The following SYN3 variants were observed in gnomAD, a reference collection of about 807,000 sequenced individuals.
SYN3 encodes the protein synapsin III, also known as synapsin-3.
SYN3 carries 35 observed loss-of-function variants against 65.8 expected under a neutral mutation model. The observed-to-expected ratio is 0.53, with a 90% CI of 0.41 to 0.70. SYN3 has a LOEUF of 0.70. Ranked by LOEUF, SYN3 falls within the 30% of genes least tolerant of loss-of-function variation. The pLI, the probability that SYN3 is intolerant of heterozygous loss-of-function variation, is 0.00. For synonymous variants in SYN3, 270 were observed against 292.9 expected (o/e 0.92, Z 0.80); for missense variants, 680 against 749.0 (o/e 0.91, Z 1.08).
chr22:32,991,262 C>T (rs560065939), intron 2 of SYN3, among the ~76,000 whole-genome samples: 6 of 151,252 alleles, frequency 4.0e-5, no homozygotes, highest in Admixed American at 2.0e-4. Flanking sequence ...AGCTTGAACT[C>T]GGGAGGCGGA....
At chr22:32,750,979 T>C (rs1264124168) in intron 6 of SYN3, among the ~76,000 whole-genome samples, 1 of 152,034 alleles carries the variant, frequency 6.6e-6, no homozygotes, top group Non-Finnish European at 1.5e-5. Flanking sequence ...CAGTCTCTGA[T>C]ATGTGAATCT....
chr22:32,946,910 G>C (rs1328052426), intron 3 of SYN3, among the ~76,000 whole-genome samples: 3 of 152,174 alleles, frequency 2.0e-5, no homozygotes, highest in African/African-American at 7.2e-5. Flanking sequence ...CACAGACAGA[G>C]CTCTTGGTAT....
rs994583581 is a variant in SYN3 at position 32,938,873 on chromosome 22, A to G, written c.370-7392T>C. On this transcript the variant is annotated intron_variant, in intron 3 of 13. Coordinates refer to ENST00000358763, the MANE Select transcript of SYN3 (RefSeq NM_003490.4). ...AACATGGGATGCGGAGGTTGCAATG[A>G]GCAGAGACTGCACCACTGCACTTCG... is the stretch of plus-strand genomic sequence containing the variant. 5.5e-4 allele frequency among the ~76,000 whole-genome samples: 83 copies of G among 150,600 alleles called. 1 individual carries two copies. The highest frequency in any genetic ancestry group is 2.0e-3 in the African/African-American group (80 of 40,962).
At chr22:32,921,775 A>C (rs148761868) in intron 4 of SYN3, among the ~76,000 whole-genome samples, 8 of 152,260 alleles carry the variant, frequency 5.3e-5, no homozygotes, top group African/African-American at 1.9e-4. Context: ...ATTTCACATT[A>C]TACTAACTCA....
rs559321036 is a variant in SYN3 at position 32,913,601 on chromosome 22, T to G, written c.461+17789A>C. Among the ~76,000 whole-genome samples the G allele has an allele frequency of 2.0e-5, 3 of 152,300 alleles. No homozygotes were observed. In the South Asian group the frequency reaches 6.2e-4, roughly 32 times the overall value. Reference sequence around the variant, plus strand: ...TTGCTGGGCTCTTAGGGGCAAGTTATAGAAGCTCTGAGAGCTTCAGTTTCT... The same window carrying G: ...TTGCTGGGCTCTTAGGGGCAAGTTAGAGAAGCTCTGAGAGCTTCAGTTTCT... On this transcript the variant is annotated intron_variant, in intron 4 of 13. Coordinates refer to ENST00000358763, the MANE Select transcript of SYN3 (RefSeq NM_003490.4).
At chr22:32,575,438 T>G (rs1364203712) in intron 7 of SYN3, among the ~76,000 whole-genome samples, 3 of 150,614 alleles carry the variant, frequency 2.0e-5, no homozygotes, top group African/African-American at 7.3e-5. Flanking sequence ...AGCATGGGGG[T>G]GGGGGTCTTC....
At chr22:32,992,265 A>C (rs140421280) in intron 2 of SYN3, among the ~76,000 whole-genome samples, 111 of 152,356 alleles carry the variant, frequency 7.3e-4, no homozygotes, top group African/African-American at 2.4e-3. Flanking sequence ...TCATGGTCTA[A>C]GCCCCATTAT....
At chr22:32,619,710 C>T (rs987544913) in intron 6 of SYN3, among the ~76,000 whole-genome samples, 17 of 152,324 alleles carry the variant, frequency 1.1e-4, no homozygotes, top group African/African-American at 4.1e-4. Flanking sequence ...GAGAAGGCAT[C>T]TGTTTTCCCA....
intron 6 of SYN3, among the ~76,000 whole-genome samples, chr22:32,792,521 T>G (rs974975841): frequency 1.3e-5 from 2 of 152,158 alleles, no homozygotes; most frequent in African/African-American, 4.8e-5. Flanking sequence ...TACTGATGAG[T>G]ATGCCACCAG....
At chr22:32,520,417 G>C (rs1261668208) in intron 12 of SYN3, among the ~76,000 whole-genome samples, 2 of 151,944 alleles carry the variant, frequency 1.3e-5, no homozygotes, top group Non-Finnish European at 1.5e-5. Context: ...GATTACAGGT[G>C]TGAGCCACTG....
chr22:32,945,793 C>T (rs986539102), intron 3 of SYN3, among the ~76,000 whole-genome samples: 3 of 152,180 alleles, frequency 2.0e-5, no homozygotes, highest in Admixed American at 6.5e-5. Flanking sequence ...ATCTACTTAT[C>T]TGACAAAGGG....
chr22:32,740,438 G>T (rs1232523493), intron 6 of SYN3, among the ~76,000 whole-genome samples: 1 of 152,178 alleles, frequency 6.6e-6, no homozygotes, highest in African/African-American at 2.4e-5. Flanking sequence ...GAGAATAAGA[G>T]TTTTGATCAG....
intron 7 of SYN3, among the ~76,000 whole-genome samples, chr22:32,592,652 C>G (rs1300833605): frequency 6.6e-6 from 1 of 152,168 alleles, no homozygotes. Context: ...CTCTTAATCA[C>G]CAGTGCCAAC....
chr22:32,533,521 C>T (rs543760657), intron 10 of SYN3, among the ~76,000 whole-genome samples: 2 of 152,122 alleles, frequency 1.3e-5, no homozygotes. Flanking sequence ...TGACCAGATG[C>T]CCTTTCCTTC....
chr22:32,952,375 G>GA (rs763101897), intron 3 of SYN3, among the ~76,000 whole-genome samples: 2 of 151,510 alleles, frequency 1.3e-5, no homozygotes, highest in Non-Finnish European at 2.9e-5. Context: ...CAAAAACACA[G>GA]AAAAAAAATA....
In SYN3 at chr22:32,715,884, T is replaced by C. The variant is rs115956478; in HGVS notation, c.712-119148A>G. On this transcript the variant is annotated intron_variant, in intron 6 of 13. Transcript: ENST00000358763. ...ACATGAGACAGCACACACAAAGTGA[T>C]TGGTGAACAACAGCTGTGCTGGAAC... Among the ~76,000 whole-genome samples the C allele has an allele frequency of 4.3e-3, 658 of 151,796 alleles. 5 individuals are homozygous for C. Among genetic ancestry groups the C allele is most frequent in the African/African-American group, 0.015 (616 of 41,370 alleles).
At chr22:32,626,866 G>A (rs1306037326) in intron 6 of SYN3, among the ~76,000 whole-genome samples, 2 of 152,162 alleles carry the variant, frequency 1.3e-5, no homozygotes, top group Non-Finnish European at 2.9e-5. Context: ...GTGTTGAAAC[G>A]ATGAAAATGT....
intron 7 of SYN3, among the ~76,000 whole-genome samples, chr22:32,586,014 G>A (rs1000106171): frequency 4.1e-5 from 5 of 120,700 alleles, no homozygotes; most frequent in Admixed American, 1.6e-4. Flanking sequence ...GTATGTATAC[G>A]TATATATGTA....
intron 6 of SYN3, among the ~76,000 whole-genome samples, chr22:32,717,833 T>G (rs556955100): frequency 6.6e-6 from 1 of 152,258 alleles, no homozygotes; most frequent in East Asian, 1.9e-4. Flanking sequence ...TGACTTGAAA[T>G]GGGAGCTTTG....
Sources: allele counts gnomAD v4.1 joint callset (sites outside exome capture counted in the v4.1 genomes callset), GRCh38; gene constraint gnomAD v4.1.1; transcripts MANE v1.5; gene names NCBI Gene and HGNC (gene_info 2026-07-23, HGNC 2026-07-21).